Variants in PPP1R17 observed in about 807,000 individuals in gnomAD.
PPP1R17 encodes the protein protein phosphatase 1 regulatory subunit 17, also known as G-substrate.
Under a neutral mutation model 15.9 loss-of-function variants are expected in PPP1R17, and 12 were observed. The ratio of observed to expected loss-of-function variants is 0.75; its 90% CI spans 0.48 to 1.22. The LOEUF is 1.22. Ranked by LOEUF, PPP1R17 falls within the 50% of genes most tolerant of loss-of-function variation. The pLI, the probability that PPP1R17 is intolerant of heterozygous loss-of-function variation, is 0.00. For missense variants in PPP1R17, 211 were observed against 187.3 expected, an observed-to-expected ratio of 1.13 and a Z score of -0.74; for synonymous variants, 63 against 64.5, an observed-to-expected ratio of 0.98 and a Z score of 0.11.
intron 4 of PPP1R17, among the ~76,000 whole-genome samples, chr7:31,698,043 T>G (rs1250087445): frequency 6.6e-6 from 1 of 152,200 alleles, no homozygotes; most frequent in African/African-American, 2.4e-5. Flanking sequence ...TGTGGCAGAA[T>G]TGGGGCTCAA....
At chr7:31,705,940 C>T (rs1299745768) in intron 4 of PPP1R17, among the ~76,000 whole-genome samples, 1 of 143,524 alleles carries the variant, frequency 7.0e-6, no homozygotes, top group Non-Finnish European at 1.5e-5. Context: ...CTGGGGTGAT[C>T]AGTCCAGAAA....
At chr7:31,698,008 T>C (rs1792675255) in intron 4 of PPP1R17, among the ~76,000 whole-genome samples, 1 of 152,156 alleles carries the variant, frequency 6.6e-6, no homozygotes. Flanking sequence ...ACAGATAAAA[T>C]TATGATCAAG....
At chr7:31,697,847 G>C (rs1185893420) in intron 4 of PPP1R17, among the ~76,000 whole-genome samples, 1 of 152,186 alleles carries the variant, frequency 6.6e-6, no homozygotes, top group Non-Finnish European at 1.5e-5. Context: ...ATATAATAGA[G>C]AGGCTATTAT....
intron 4 of PPP1R17, among the ~76,000 whole-genome samples, chr7:31,704,290 C>T (rs1410012445): frequency 6.6e-6 from 1 of 152,292 alleles, no homozygotes; most frequent in East Asian, 1.9e-4. Context: ...CTAGCCCTGG[C>T]TCCCTGAGAC....
chr7:31,697,736 G>T (rs954970974), intron 4 of PPP1R17, among the ~76,000 whole-genome samples: 3 of 152,160 alleles, frequency 2.0e-5, no homozygotes, highest in Admixed American at 6.5e-5. Flanking sequence ...TTGTGTTGGG[G>T]AAGTGACGGA....
intron 2 of PPP1R17, among the ~76,000 whole-genome samples, chr7:31,693,282 C>CCATGACAGGTTTGTACCT (rs1382957323): frequency 2.0e-5 from 3 of 152,148 alleles, no homozygotes; most frequent in Admixed American, 6.5e-5. Flanking sequence ...GAATTGTAGC[C>CCATGACAGGTTTGTACCT]CATGACAGGT....
chr7:31,687,261 G>GC lies in PPP1R17; in HGVS notation c.-79dup, dbSNP rs1399651837. ...AGGCCCAGCCTCGGTGAGCACACAC[G>GC]CCCTCCCTGTCTCTCGCCTTCGCTT... On this transcript the variant is annotated 5_prime_UTR_variant, in exon 1 of 5. Transcript: ENST00000342032. The GC allele has an allele frequency of 5.2e-5, 8 of 152,472 alleles. No homozygotes were observed. In the Middle Eastern group the frequency reaches 0.01, roughly 194 times the overall value. The allele number at this position is 152,472 out of a possible 1,614,324, so 9.4% of individuals were successfully genotyped here. A position where few individuals can be genotyped will look rare whatever the true frequency, so the allele number is the denominator to read the frequency against.
intron 1 of PPP1R17, among the ~76,000 whole-genome samples, chr7:31,691,572 C>T (rs1025999163): frequency 6.6e-6 from 1 of 151,958 alleles, no homozygotes; most frequent in Non-Finnish European, 1.5e-5. Context: ...TCCACTGCTC[C>T]TGGGCGACAG....
chr7:31,697,227 T>C, intron 4 of PPP1R17, 110 bp downstream of exon 4: 2 of 1,399,474 alleles, frequency 1.4e-6, no homozygotes, highest in Non-Finnish European at 1.9e-6. Flanking sequence ...GCAAGCTGCG[T>C]TGTCCTGAAG....
At position 31,697,098 on chromosome 7, in the gene PPP1R17, C is replaced by A; in HGVS notation, c.369C>A (p.His123Gln). 1.2e-6 allele frequency: 2 copies of A among 1,614,060 alleles called. No homozygotes were observed. Among genetic ancestry groups the A allele is most frequent in the Non-Finnish European group, 1.7e-6 (2 of 1,179,970 alleles). ...KPRRKDTPAL[H>Q]MSPFAAGVTL... Reference sequence around the variant, plus strand: ...GGAGAAAAGACACACCTGCCCTGCACATGTCCCCCTTTGCAGCAGGTAAAA... The same window carrying A: ...GGAGAAAAGACACACCTGCCCTGCAAATGTCCCCCTTTGCAGCAGGTAAAA... The change falls in exon 4 of 5, where the codon CAC (histidine) becomes CAA (glutamine). Residue 123 changes from histidine (H) to glutamine (Q), a missense_variant. His to Gln is a conservative substitution (Grantham distance 24). Coordinates refer to ENST00000342032, the MANE Select transcript of PPP1R17 (RefSeq NM_006658.5).
intron 3 of PPP1R17, among the ~76,000 whole-genome samples, chr7:31,696,530 G>A (rs1441015733): frequency 5.3e-5 from 8 of 152,138 alleles, no homozygotes; most frequent in East Asian, 1.9e-4. Flanking sequence ...GCAGGAGGGC[G>A]GAGGTATCAG....
At chr7:31,693,440 T>C (rs1309189898) in intron 2 of PPP1R17, among the ~76,000 whole-genome samples, 2 of 152,216 alleles carry the variant, frequency 1.3e-5, no homozygotes, top group African/African-American at 4.8e-5. Context: ...CAGCCAGGCA[T>C]TAAGATACAT....
In PPP1R17 at chr7:31,696,950, C is replaced by A; in HGVS notation, c.236-15C>A. 6.2e-7 allele frequency: 1 copy of A among 1,612,812 alleles called. No individual in the cohort carries two copies. The highest frequency in any genetic ancestry group is 1.1e-5 in the South Asian group (1 of 90,804). Reference sequence around the variant, plus strand: ...ATTTGATCCTGTTTCTCTCTGTGTTCCCCTAACCATGCAGGTGTGTTTTCA... The same window carrying A: ...ATTTGATCCTGTTTCTCTCTGTGTTACCCTAACCATGCAGGTGTGTTTTCA... On this transcript the variant is annotated splice_polypyrimidine_tract_variant and intron_variant, in intron 3 of 4. Coordinates refer to ENST00000342032, the MANE Select transcript of PPP1R17 (RefSeq NM_006658.5).
At chr7:31,697,532 A>C (rs1562699801) in intron 4 of PPP1R17, among the ~76,000 whole-genome samples, 1 of 152,224 alleles carries the variant, frequency 6.6e-6, no homozygotes, top group Non-Finnish European at 1.5e-5. Flanking sequence ...TGCAGAAATA[A>C]GGATAGCTAT....
chr7:31,694,966 G>T lies in PPP1R17; in HGVS notation c.83-503G>T, dbSNP rs556382977. Among the ~76,000 whole-genome samples, 20 of 152,252 alleles carry T rather than the reference G, an allele frequency of 1.3e-4. No homozygotes were observed. In the East Asian group the frequency reaches 3.9e-3, roughly 29 times the overall value. Reference sequence around the variant, plus strand: ...TGAAAAGACAAATACAAAACCCAAGGTCTGGATCACCAGGAGGATGAGACT... The same window carrying T: ...TGAAAAGACAAATACAAAACCCAAGTTCTGGATCACCAGGAGGATGAGACT... On this transcript the variant is annotated intron_variant, in intron 2 of 4. Transcript: ENST00000342032.
In PPP1R17 at chr7:31,707,279, T is replaced by A. The variant is rs1277136066; in HGVS notation, c.464T>A (p.Ile155Asn). The change falls in exon 5 of 5, where the codon ATT (isoleucine) becomes AAT (asparagine). Residue 155 changes from isoleucine (I) to asparagine (N), a missense_variant. Ile to Asn is a moderately radical substitution (Grantham distance 149). Transcript: ENST00000342032. ...DDEKDGDKIAI is the reference protein window; with the variant it reads ...DDEKDGDKIAN ...GAAAAGGATGGTGACAAGATAGCTA[T>A]TTAAAGATAGTTCCCCTGAGACCAC... 1.2e-6 allele frequency: 2 copies of A among 1,613,274 alleles called. No individual in the cohort carries two copies. The highest frequency in any genetic ancestry group is 1.7e-6 in the Non-Finnish European group (2 of 1,179,442).
chr7:31,697,049 C>T lies in PPP1R17; in HGVS notation c.320C>T (p.Thr107Ile). 1 of 1,614,130 alleles carries T rather than the reference C, an allele frequency of 6.2e-7. No homozygotes were observed. The highest frequency in any genetic ancestry group is 8.5e-7 in the Non-Finnish European group (1 of 1,180,012). Residue 107 changes from threonine (T) to isoleucine (I), a missense_variant, in exon 4 of 5, where the codon ACT (threonine) becomes ATT (isoleucine). By Grantham distance (89) the Thr-to-Ile change is moderately conservative (BLOSUM62 -1). Coordinates refer to ENST00000342032, the MANE Select transcript of PPP1R17 (RefSeq NM_006658.5). ...KGKMIPVLHN[T>I]DLEQKKPRRK... is the part of the protein sequence containing the mutation. ...AAAATGATCCCTGTTCTTCATAACA[C>T]TGACCTGGAACAGAAAAAGCCAAGG...
At chr7:31,699,241 T>A (rs1173174899) in intron 4 of PPP1R17, among the ~76,000 whole-genome samples, 2 of 152,194 alleles carry the variant, frequency 1.3e-5, no homozygotes, top group Non-Finnish European at 2.9e-5. Context: ...ACATCCTGCA[T>A]CAGCCCTTAC....
At chr7:31,703,665 G>A (rs776085566) in intron 4 of PPP1R17, among the ~76,000 whole-genome samples, 21 of 152,280 alleles carry the variant, frequency 1.4e-4, no homozygotes, top group Non-Finnish European at 2.5e-4. Context: ...TAGAGCCTTC[G>A]GCAGATGTTC....
Sources: allele counts gnomAD v4.1 joint callset (sites outside exome capture counted in the v4.1 genomes callset), GRCh38; gene constraint gnomAD v4.1.1; transcripts MANE v1.5; gene names NCBI Gene and HGNC (gene_info 2026-07-23, HGNC 2026-07-21).